Variants in PRKAG2 observed in about 807,000 individuals in gnomAD.
The protein encoded by PRKAG2 is protein kinase AMP-activated non-catalytic subunit gamma 2.
In PRKAG2, 26 loss-of-function variants were observed where a neutral mutation model predicts 69.6. The observed-to-expected ratio is 0.37, with a 90% CI of 0.27 to 0.52. The LOEUF (loss-of-function observed/expected upper bound fraction) is 0.52, where lower values mean the gene tolerates loss of function less well. Ranked by LOEUF, PRKAG2 falls within the 20% of genes least tolerant of loss-of-function variation. The probability of loss-of-function intolerance (pLI) is 0.90; values close to 1 mark genes in which losing one functional copy is unlikely to be tolerated. For missense variants in PRKAG2, 557 were observed against 740.0 expected, an observed-to-expected ratio of 0.75 and a Z score of 2.87; for synonymous variants, 293 against 285.0, an observed-to-expected ratio of 1.03 and a Z score of -0.28.
At chr7:151,624,553 A>G (rs1822397158) in intron 5 of PRKAG2, among the ~76,000 whole-genome samples, 1 of 152,104 alleles carries the variant, frequency 6.6e-6, no homozygotes, top group Non-Finnish European at 1.5e-5. Context: ...CATATCAGAG[A>G]TGAACCTGGC....
chr7:151,720,783 C>CAGGGGATTG (rs1563518776), intron 3 of PRKAG2, among the ~76,000 whole-genome samples: 1 of 33,874 alleles, frequency 3.0e-5, no homozygotes, highest in Non-Finnish European at 5.9e-5. Flanking sequence ...TGGAGGGGGA[C>CAGGGGATTG]AGGGGATTGA....
intron 1 of PRKAG2, among the ~76,000 whole-genome samples, chr7:151,815,143 T>C (rs974446762): frequency 6.6e-6 from 1 of 152,110 alleles, no homozygotes; most frequent in East Asian, 1.9e-4. Flanking sequence ...TGGGTATGGC[T>C]TTCCAAAAGG....
intron 3 of PRKAG2, among the ~76,000 whole-genome samples, chr7:151,710,336 C>A (rs1405985224): frequency 6.6e-6 from 1 of 152,170 alleles, no homozygotes; most frequent in African/African-American, 2.4e-5. Flanking sequence ...GCTTCGCTCT[C>A]GCCCCCCGCC....
intron 5 of PRKAG2, among the ~76,000 whole-genome samples, chr7:151,625,798 G>C (rs1328619362): frequency 6.6e-6 from 1 of 152,112 alleles, no homozygotes; most frequent in East Asian, 1.9e-4. Context: ...GAAGGAGATG[G>C]GCACAGAGAG....
chr7:151,762,812 C>A (rs1275749281), intron 3 of PRKAG2, among the ~76,000 whole-genome samples: 1 of 152,196 alleles, frequency 6.6e-6, no homozygotes, highest in Non-Finnish European at 1.5e-5. Context: ...AAGAAGCATC[C>A]TTTACAGAGC....
chr7:151,707,091 GACC>G (rs1228605911), intron 3 of PRKAG2, among the ~76,000 whole-genome samples: 19 of 151,964 alleles, frequency 1.3e-4, no homozygotes, highest in Middle Eastern at 3.4e-3. Flanking sequence ...GCTCACAGGG[GACC>G]ACAAGTCCCC....
At chr7:151,712,194 C>T (rs1025984789) in intron 3 of PRKAG2, among the ~76,000 whole-genome samples, 1 of 152,236 alleles carries the variant, frequency 6.6e-6, no homozygotes. Flanking sequence ...CCTCCTGGCA[C>T]CCAGCCTCCG....
intron 3 of PRKAG2, among the ~76,000 whole-genome samples, chr7:151,747,608 C>A (rs1474999150): frequency 1.3e-5 from 2 of 152,074 alleles, no homozygotes; most frequent in Non-Finnish European, 2.9e-5. Context: ...GTATGTAATG[C>A]ATCTGACACT....
intron 6 of PRKAG2, among the ~76,000 whole-genome samples, chr7:151,591,691 G>A (rs1368786903): frequency 6.6e-6 from 1 of 152,128 alleles, no homozygotes; most frequent in African/African-American, 2.4e-5. Flanking sequence ...GAGGCCCAGG[G>A]CACGATCAGG....
chr7:151,810,169 G>A (rs1427738376), intron 1 of PRKAG2: 1 of 152,158 alleles, frequency 6.6e-6, no homozygotes, highest in East Asian at 1.9e-4. Flanking sequence ...TTCCAGAAAA[G>A]CCTTAGAGAG....
At chr7:151,700,154 G>A (rs1837429096) in intron 3 of PRKAG2, among the ~76,000 whole-genome samples, 1 of 152,196 alleles carries the variant, frequency 6.6e-6, no homozygotes, top group Non-Finnish European at 1.5e-5. Context: ...AGGGAAATCG[G>A]GGGTGACGTT....
intron 6 of PRKAG2, among the ~76,000 whole-genome samples, chr7:151,592,410 T>G (rs1259996366): frequency 6.6e-6 from 1 of 152,164 alleles, no homozygotes; most frequent in African/African-American, 2.4e-5. Context: ...GGAACCCAAC[T>G]GCAGGGAGTC....
intron 3 of PRKAG2, among the ~76,000 whole-genome samples, chr7:151,734,615 T>C (rs1051317135): frequency 6.6e-6 from 1 of 152,122 alleles, no homozygotes; most frequent in Admixed American, 6.5e-5. Context: ...AGTGGCCCAA[T>C]CACAACTAAC....
At position 151,836,571 on chromosome 7, in the gene PRKAG2, T is replaced by G. The variant is rs553282456; in HGVS notation, c.114+39936A>C. On this transcript the variant is annotated intron_variant, in intron 1 of 15. Coordinates refer to ENST00000287878, the MANE Select transcript of PRKAG2 (RefSeq NM_016203.4). This position sits in a 1 kb window ranked among gnomAD's most constrained non-coding sequence, Gnocchi z 4.1. Reference sequence around the variant, plus strand: ...GGATCAGAACTTGCCCCCTTCCCAGTGTGAATTCCCCTCCGATGGGGTGTG... The same window carrying G: ...GGATCAGAACTTGCCCCCTTCCCAGGGTGAATTCCCCTCCGATGGGGTGTG... Among the ~76,000 whole-genome samples the G allele has an allele frequency of 2.6e-5, 4 of 152,266 alleles. 1 individual carries two copies. Among genetic ancestry groups the G allele is most frequent in the South Asian group, 4.1e-4 (2 of 4,826 alleles).
chr7:151,600,416 C>T (rs1476865307), intron 5 of PRKAG2, among the ~76,000 whole-genome samples: 1 of 152,210 alleles, frequency 6.6e-6, no homozygotes, highest in Non-Finnish European at 1.5e-5. Context: ...TGTATATTTC[C>T]TACTGTGGAC....
intron 3 of PRKAG2, among the ~76,000 whole-genome samples, chr7:151,687,405 T>G (rs1453137859): frequency 6.6e-6 from 1 of 152,226 alleles, no homozygotes; most frequent in Non-Finnish European, 1.5e-5. Flanking sequence ...TTTTCCCATA[T>G]ACAATGGTTT....
At chr7:151,579,255 T>A (rs1809775098) in intron 6 of PRKAG2, among the ~76,000 whole-genome samples, 2 of 152,208 alleles carry the variant, frequency 1.3e-5, no homozygotes, top group Admixed American at 6.5e-5. Flanking sequence ...CTCCTGGGCT[T>A]AAGTGATCCT....
chr7:151,600,815 T>C (rs1354804990), intron 5 of PRKAG2, among the ~76,000 whole-genome samples: 1 of 152,194 alleles, frequency 6.6e-6, no homozygotes, highest in Non-Finnish European at 1.5e-5. Context: ...ACGGACATCT[T>C]TTCCCACAAA....
intron 1 of PRKAG2, among the ~76,000 whole-genome samples, chr7:151,848,527 T>C: frequency 7.3e-6 from 1 of 136,330 alleles, no homozygotes; most frequent in Non-Finnish European, 1.6e-5. Flanking sequence ...TTTTTTTTTT[T>C]TTTTTTTTTT....
Sources: allele counts gnomAD v4.1 joint callset (sites outside exome capture counted in the v4.1 genomes callset), GRCh38; gene constraint gnomAD v4.1.1; non-coding constraint Gnocchi (gnomAD v3.1); transcripts MANE v1.5; gene names NCBI Gene and HGNC (gene_info 2026-07-23, HGNC 2026-07-21).